The following ABTB2 variants were observed in gnomAD, a reference collection of about 807,000 sequenced individuals.
ABTB2 encodes ankyrin repeat and BTB domain containing 2.
A neutral mutation model predicts 104.1 loss-of-function variants in ABTB2; 56 were observed. The ratio of observed to expected loss-of-function variants is 0.54; its 90% confidence interval spans 0.43 to 0.67. ABTB2 has a LOEUF of 0.67. Among genes scored for constraint, ABTB2 ranks in the 30% least tolerant of loss-of-function variants. The pLI is 0.00. For synonymous variants in ABTB2, 606 were observed against 608.2 expected, an observed-to-expected ratio of 1.00 and a Z score of 0.05; for missense variants, 1,279 against 1,407.7, an observed-to-expected ratio of 0.91 and a Z score of 1.46.
intron 1 of ABTB2, among the ~76,000 whole-genome samples, chr11:34,249,389 G>C (rs901204180): frequency 3.3e-5 from 5 of 152,194 alleles, no homozygotes; most frequent in Admixed American, 1.3e-4. Flanking sequence ...AAAATATCCA[G>C]AGCTGGCTGC....
At chr11:34,232,681 G>T (rs572630437) in intron 1 of ABTB2, among the ~76,000 whole-genome samples, 6 of 152,078 alleles carry the variant, frequency 3.9e-5, no homozygotes, top group Non-Finnish European at 8.8e-5. Context: ...TGGGTGCAGG[G>T]TGGTGGTTGG....
In ABTB2 at chr11:34,356,935, T is replaced by G. The variant is rs1590269382; in HGVS notation, c.649A>C (p.Thr217Pro). The change falls in exon 1 of 17, where the codon ACC becomes CCC. Residue 217 changes from threonine to proline, a missense_variant. Physicochemically the swap from Thr to Pro is conservative, Grantham distance 38. Coordinates refer to ENST00000435224, the MANE Select transcript of ABTB2 (RefSeq NM_145804.3). The surrounding 1 kb of genome is among the most constrained non-coding windows in gnomAD (Gnocchi z 4.6). ...TCGTGGATGCGCACGGAGATTCGGGTGTCCACCATCCAGCGGAAAAAGCGA... is the reference window on the plus strand; with the variant it reads ...TCGTGGATGCGCACGGAGATTCGGGGGTCCACCATCCAGCGGAAAAAGCGA... The part of the protein sequence containing the change: ...VGRFFRWMVD[T>P]RISVRIHEYA... 6.2e-7 allele frequency: 1 copy of G among 1,600,510 alleles called. No homozygotes were observed. Among genetic ancestry groups the G allele is most frequent in the East Asian group, 2.3e-5 (1 of 44,372 alleles).
intron 1 of ABTB2, 41 bp from the exon 2 acceptor site, chr11:34,204,731 G>A: frequency 1.9e-6 from 3 of 1,585,420 alleles, no homozygotes; most frequent in Non-Finnish European, 1.7e-6. Context: ...TTAGGAAGGA[G>A]TGGAAGTTCA....
intron 1 of ABTB2, among the ~76,000 whole-genome samples, chr11:34,279,530 C>T (rs1373100940): frequency 6.6e-6 from 1 of 152,240 alleles, no homozygotes; most frequent in Non-Finnish European, 1.5e-5. Context: ...AGAATCTGAA[C>T]TCAGATCTAT....
rs561473313 is a variant in ABTB2 at position 34,237,276 on chromosome 11, C to CTTTT, written c.884-32590_884-32587dup. ...TGTCCTCGTGATTTTCCTGGATATT[C>CTTTT]TTTTTTTTTTTTTTTTTTTTTTTAG... On this transcript the variant is annotated intron_variant, in intron 1 of 16. Transcript: ENST00000435224. Among the ~76,000 whole-genome samples, 238 of 116,224 alleles carry CTTTT rather than the reference C, an allele frequency of 2.0e-3. 4 individuals carry two copies. The highest frequency in any genetic ancestry group is 7.8e-3 in the African/African-American group (229 of 29,430). 76.2% of individuals were successfully genotyped at this position (116,224 alleles called of 152,430 possible). A position where few individuals can be genotyped will look rare whatever the true frequency, so the allele number is the denominator to read the frequency against.
At chr11:34,245,192 A>T (rs1008903207) in intron 1 of ABTB2, among the ~76,000 whole-genome samples, 6 of 152,136 alleles carry the variant, frequency 3.9e-5, no homozygotes, top group Non-Finnish European at 7.4e-5. Context: ...TAAAACCAAA[A>T]CTTCCAAGGT....
intron 1 of ABTB2, among the ~76,000 whole-genome samples, chr11:34,338,566 C>T (rs918375246): frequency 3.3e-5 from 5 of 150,438 alleles, no homozygotes; most frequent in African/African-American, 1.2e-4. Context: ...ATTAGCCGGG[C>T]GTGGTGGGGT....
chr11:34,257,489 T>C (rs1243372078), intron 1 of ABTB2, among the ~76,000 whole-genome samples: 2 of 152,206 alleles, frequency 1.3e-5, no homozygotes, highest in Non-Finnish European at 2.9e-5. Context: ...TCTAGAACTT[T>C]CTGTAATGGT....
At chr11:34,171,883 C>T (rs1439884619) in intron 4 of ABTB2, among the ~76,000 whole-genome samples, 2 of 152,154 alleles carry the variant, frequency 1.3e-5, no homozygotes, top group Admixed American at 1.3e-4. Flanking sequence ...CTGCCATTTG[C>T]AATCAACGCA....
At chr11:34,325,133 A>G (rs1855054184) in intron 1 of ABTB2, among the ~76,000 whole-genome samples, 1 of 152,176 alleles carries the variant, frequency 6.6e-6, no homozygotes, top group African/African-American at 2.4e-5. Context: ...TTCAAAGTCA[A>G]AGTTCTCAGA....
chr11:34,264,936 G>A (rs752489093), intron 1 of ABTB2, among the ~76,000 whole-genome samples: 10 of 152,154 alleles, frequency 6.6e-5, no homozygotes, highest in Admixed American at 5.9e-4. Flanking sequence ...AATGTCCTTG[G>A]TCACCAAAAT....
chr11:34,281,144 C>T (rs944370943), intron 1 of ABTB2, among the ~76,000 whole-genome samples: 1 of 152,138 alleles, frequency 6.6e-6, no homozygotes, highest in Non-Finnish European at 1.5e-5. Context: ...GAACACCCAG[C>T]GTGGTCCCTC....
intron 1 of ABTB2, among the ~76,000 whole-genome samples, chr11:34,213,254 G>A (rs1358702608): frequency 6.6e-6 from 1 of 152,206 alleles, no homozygotes; most frequent in Non-Finnish European, 1.5e-5. Context: ...AAGGCAGGTG[G>A]ATCACTTGAG....
chr11:34,177,084 T>C (rs1852968309), intron 3 of ABTB2, among the ~76,000 whole-genome samples: 1 of 152,204 alleles, frequency 6.6e-6, no homozygotes, highest in East Asian at 1.9e-4. Context: ...AACAAAAAGA[T>C]AATCCGTGGA....
chr11:34,222,755 C>A (rs1242808236), intron 1 of ABTB2, among the ~76,000 whole-genome samples: 1 of 152,240 alleles, frequency 6.6e-6, no homozygotes, highest in African/African-American at 2.4e-5. Flanking sequence ...ACTTCTAACC[C>A]TGGGCTTGCA....
At position 34,351,562 on chromosome 11, in the gene ABTB2, A is replaced by G. The variant is rs1855398388; in HGVS notation, c.883+5139T>C. ...CCCAAAATGCTGACTCTATTCATTG[A>G]GAACAACTTGGAAATTTTCTGCCTT... is the stretch of plus-strand genomic sequence containing the variant. On this transcript the variant is annotated intron_variant, in intron 1 of 16. Coordinates refer to ENST00000435224, the MANE Select transcript of ABTB2 (RefSeq NM_145804.3). Among the ~76,000 whole-genome samples the G allele has an allele frequency of 2.0e-5, 3 of 151,894 alleles. No homozygotes were observed. The South Asian group carries it at 6.2e-4, about 31-fold the overall frequency.
chr11:34,173,097 G>T, intron 4 of ABTB2, 58 bp downstream of exon 4: 2 of 1,607,016 alleles, frequency 1.2e-6, no homozygotes, highest in African/African-American at 1.3e-5. Context: ...GCGAGCAGAG[G>T]GGAGCCGCTG....
intron 1 of ABTB2, among the ~76,000 whole-genome samples, chr11:34,271,669 G>A (rs1423620497): frequency 6.6e-6 from 1 of 152,180 alleles, no homozygotes; most frequent in Non-Finnish European, 1.5e-5. Flanking sequence ...AGAAGGTTGA[G>A]GCTGAATGAG....
intron 1 of ABTB2, among the ~76,000 whole-genome samples, chr11:34,307,096 C>T (rs1480831042): frequency 2.0e-5 from 3 of 151,890 alleles, no homozygotes; most frequent in African/African-American, 2.4e-5. Flanking sequence ...TGAATGAATT[C>T]GTCTGTTAGA....
Sources: allele counts gnomAD v4.1 joint callset (sites outside exome capture counted in the v4.1 genomes callset), GRCh38; gene constraint gnomAD v4.1.1; non-coding constraint Gnocchi (gnomAD v3.1); transcripts MANE v1.5; gene names NCBI Gene and HGNC (gene_info 2026-07-23, HGNC 2026-07-21).